MDFIC2: variants seen among roughly 807,000 people sequenced by gnomAD.
The protein encoded by MDFIC2 is MyoD family inhibitor domain containing 2, also known as myoD family inhibitor domain-containing protein 2.
intron 2 of MDFIC2, among the ~76,000 whole-genome samples, chr3:70,300,201 T>A (rs1195971820): frequency 6.6e-6 from 1 of 152,134 alleles, no homozygotes; most frequent in Non-Finnish European, 1.5e-5. Flanking sequence ...GGGGCTATTG[T>A]ACCTCAAATA....
chr3:70,197,723 TA>T (rs982049043), intron 3 of MDFIC2, among the ~76,000 whole-genome samples: 1 of 152,266 alleles, frequency 6.6e-6, no homozygotes, highest in African/African-American at 2.4e-5. Flanking sequence ...AAATGCTTTT[TA>T]AAATAATCAC....
intron 2 of MDFIC2, among the ~76,000 whole-genome samples, chr3:70,252,929 A>T (rs1166332797): frequency 6.6e-6 from 1 of 151,918 alleles, no homozygotes; most frequent in Admixed American, 6.6e-5. Context: ...AAAATACAAA[A>T]ATTAGCCGGC....
intron 2 of MDFIC2, among the ~76,000 whole-genome samples, chr3:70,299,509 A>G (rs143471839): frequency 2.0e-3 from 300 of 152,184 alleles, no homozygotes; most frequent in Non-Finnish European, 3.1e-3. Context: ...GAATCCAGAA[A>G]TCTCTGTAAT....
At chr3:70,216,886 C>T (rs1701416780) in intron 2 of MDFIC2, among the ~76,000 whole-genome samples, 2 of 152,080 alleles carry the variant, frequency 1.3e-5, no homozygotes, top group Admixed American at 1.3e-4. Flanking sequence ...GCCAGGGATG[C>T]TGCTGAACAA....
chr3:70,289,812 A>G (rs1308107277), intron 2 of MDFIC2, among the ~76,000 whole-genome samples: 1 of 151,632 alleles, frequency 6.6e-6, no homozygotes, highest in South Asian at 2.1e-4. Context: ...CATTCATTTC[A>G]TCTTCCATTG....
intron 2 of MDFIC2, among the ~76,000 whole-genome samples, chr3:70,303,299 G>A (rs1347686148): frequency 2.0e-5 from 3 of 152,096 alleles, no homozygotes; most frequent in Non-Finnish European, 4.4e-5. Flanking sequence ...GCATTATGGT[G>A]CTGGCAGTCA....
chr3:70,298,554 G>C (rs1418228423), intron 2 of MDFIC2, among the ~76,000 whole-genome samples: 1 of 152,122 alleles, frequency 6.6e-6, no homozygotes. Context: ...CTACAGATAA[G>C]TTGGCTTCTG....
intron 2 of MDFIC2, among the ~76,000 whole-genome samples, chr3:70,267,182 A>T (rs1701923507): frequency 6.6e-6 from 1 of 152,140 alleles, no homozygotes; most frequent in Admixed American, 6.5e-5. Context: ...TAGGGATTTT[A>T]TACTTAATTC....
In MDFIC2 at chr3:70,194,890, G is replaced by T. The variant is rs1177321017; in HGVS notation, c.*2036C>A. Reference sequence around the variant, plus strand: ...TTTAGTGACTAGACCACGGGTAGAGGGGTGGGTGCTCAGAGAGGAGCCAAG... The same window carrying T: ...TTTAGTGACTAGACCACGGGTAGAGTGGTGGGTGCTCAGAGAGGAGCCAAG... On this transcript the variant is annotated 3_prime_UTR_variant, in exon 4 of 4. Transcript: ENST00000567252. Among the ~76,000 whole-genome samples the T allele has an allele frequency of 3.9e-5, 6 of 152,160 alleles. No homozygotes were observed. Among genetic ancestry groups the T allele is most frequent in the Admixed American group, 3.9e-4 (6 of 15,274 alleles).
At chr3:70,292,835 A>T (rs913392739) in intron 2 of MDFIC2, among the ~76,000 whole-genome samples, 2 of 151,968 alleles carry the variant, frequency 1.3e-5, no homozygotes, top group African/African-American at 4.8e-5. Context: ...TTGTTCAAAA[A>T]TTTTTCTTTG....
chr3:70,233,681 G>A (rs995481432), intron 2 of MDFIC2, among the ~76,000 whole-genome samples: 8 of 151,972 alleles, frequency 5.3e-5, no homozygotes, highest in Admixed American at 3.3e-4. Context: ...GGCAACCTGC[G>A]ACCCATTCTT....
At chr3:70,211,867 CCTTCCCTTCCCTT>C (rs1701353952) in intron 2 of MDFIC2, among the ~76,000 whole-genome samples, 1 of 147,076 alleles carries the variant, frequency 6.8e-6, no homozygotes, top group African/African-American at 2.5e-5. Context: ...TTTCTTTCTC[CCTTCCCTTCCCTT>C]CTTCCCTTCC....
At chr3:70,302,769 AT>A (rs1702363683) in intron 2 of MDFIC2, 1 of 152,148 alleles carries the variant, frequency 6.6e-6, no homozygotes, top group South Asian at 2.1e-4. Context: ...TTAACAACTT[AT>A]CGGGACTTTG....
chr3:70,309,694 A>G (rs982336900), intron 2 of MDFIC2, among the ~76,000 whole-genome samples: 2 of 152,204 alleles, frequency 1.3e-5, no homozygotes, highest in African/African-American at 2.4e-5. Context: ...AAAAAAAGAC[A>G]TTTATGTTTG....
intron 2 of MDFIC2, among the ~76,000 whole-genome samples, chr3:70,256,871 A>C (rs889158388): frequency 1.3e-5 from 2 of 152,190 alleles, no homozygotes; most frequent in Admixed American, 1.3e-4. Context: ...AGCTTAAATA[A>C]ACTTCTGTAG....
intron 2 of MDFIC2, among the ~76,000 whole-genome samples, chr3:70,259,145 C>T (rs1359660018): frequency 6.6e-6 from 1 of 152,086 alleles, no homozygotes; most frequent in South Asian, 2.1e-4. Context: ...GCAGACAAGG[C>T]CCTTTTTCAT....
At chr3:70,223,661 A>G (rs1295064950) in intron 2 of MDFIC2, among the ~76,000 whole-genome samples, 4 of 152,170 alleles carry the variant, frequency 2.6e-5, no homozygotes, top group Admixed American at 2.0e-4. Flanking sequence ...CATTCCCAAG[A>G]CTTAAGTCTG....
chr3:70,278,970 G>A (rs1220268488), intron 2 of MDFIC2, among the ~76,000 whole-genome samples: 1 of 151,122 alleles, frequency 6.6e-6, no homozygotes, highest in Non-Finnish European at 1.5e-5. Flanking sequence ...GGTGGTCAAG[G>A]AAAACAGTGA....
At chr3:70,248,391 A>G (rs1205320927) in intron 2 of MDFIC2, among the ~76,000 whole-genome samples, 5 of 152,100 alleles carry the variant, frequency 3.3e-5, no homozygotes, top group Non-Finnish European at 7.4e-5. Flanking sequence ...AAATTGCCAA[A>G]AAGTGTTGGG....
Sources: allele counts gnomAD v4.1 joint callset (sites outside exome capture counted in the v4.1 genomes callset), GRCh38; gene constraint gnomAD v4.1.1; transcripts MANE v1.5; gene names NCBI Gene and HGNC (gene_info 2026-07-23, HGNC 2026-07-21).